Variants in RAB3C observed in about 807,000 individuals in gnomAD.
RAB3C encodes the protein ras-related protein Rab-3C.
A neutral mutation model predicts 26.4 loss-of-function variants in RAB3C; 17 were observed. The observed-to-expected ratio is 0.64, with a 90% CI of 0.44 to 0.97. RAB3C has a LOEUF of 0.97. RAB3C is among the 50% of genes least tolerant of loss of function. The pLI is 0.00. For missense variants in RAB3C, 242 were observed against 281.9 expected (o/e 0.86, Z 1.01); for synonymous variants, 91 against 95.9 (o/e 0.95, Z 0.30).
At chr5:58,675,516 G>T (rs1381405155) in intron 2 of RAB3C, among the ~76,000 whole-genome samples, 1 of 151,828 alleles carries the variant, frequency 6.6e-6, no homozygotes, top group Admixed American at 6.6e-5. Context: ...CACATGGAAG[G>T]CATTCAAGCA....
intron 1 of RAB3C, among the ~76,000 whole-genome samples, chr5:58,603,242 A>T (rs1395430519): frequency 1.3e-5 from 2 of 152,136 alleles, no homozygotes; most frequent in Admixed American, 6.5e-5. Flanking sequence ...CACAGCTCTT[A>T]AGATTCTTTC....
intron 2 of RAB3C, among the ~76,000 whole-genome samples, chr5:58,662,809 A>AG (rs1747931265): frequency 6.6e-6 from 1 of 150,412 alleles, no homozygotes; most frequent in East Asian, 1.9e-4. Context: ...TTGATTTCAA[A>AG]GGGGTATGAG....
At chr5:58,618,551 G>A (rs1006777240) in intron 2 of RAB3C, among the ~76,000 whole-genome samples, 9 of 152,154 alleles carry the variant, frequency 5.9e-5, no homozygotes, top group African/African-American at 1.9e-4. Context: ...TCCAGAAGAA[G>A]ATCAGAGGTA....
intron 2 of RAB3C, among the ~76,000 whole-genome samples, chr5:58,694,346 G>T (rs544856859): frequency 5.3e-5 from 8 of 152,256 alleles, no homozygotes; most frequent in African/African-American, 1.9e-4. Context: ...ATGGACATTT[G>T]GGTTGGTTTC....
In RAB3C at chr5:58,851,210, G is replaced by A. The variant is rs774725674; in HGVS notation, c.543G>A (p.Lys181=). 1 of 1,612,954 alleles carries A rather than the reference G, an allele frequency of 6.2e-7. No homozygotes were observed. Among genetic ancestry groups the A allele is most frequent in the Admixed American group, 1.7e-5 (1 of 59,684 alleles). ...ETSAKDNINV[K]QTFERLVDII... ...GTGCCAAGGACAACATTAATGTCAAGCAGACATTTGAGCGCCTTGTGGATA... is the reference window on the plus strand; with the variant it reads ...GTGCCAAGGACAACATTAATGTCAAACAGACATTTGAGCGCCTTGTGGATA... Residue 181 remains lysine (K), a synonymous_variant, in exon 5 of 5, where the codon AAG becomes AAA. Coordinates refer to ENST00000282878, the MANE Select transcript of RAB3C (RefSeq NM_138453.4).
chr5:58,765,004 G>C (rs1471028506), intron 3 of RAB3C, among the ~76,000 whole-genome samples: 1 of 152,050 alleles, frequency 6.6e-6, no homozygotes, highest in Non-Finnish European at 1.5e-5. Flanking sequence ...TTAAAAGACT[G>C]ATGTATTTGT....
intron 2 of RAB3C, among the ~76,000 whole-genome samples, chr5:58,717,910 C>A (rs1368508983): frequency 6.6e-6 from 1 of 152,096 alleles, no homozygotes; most frequent in Non-Finnish European, 1.5e-5. Flanking sequence ...GCTTTGTGTG[C>A]ATGAAAGTGC....
At chr5:58,692,829 TG>T (rs1748598513) in intron 2 of RAB3C, among the ~76,000 whole-genome samples, 1 of 152,082 alleles carries the variant, frequency 6.6e-6, no homozygotes, top group East Asian at 1.9e-4. Flanking sequence ...ATTTCTTGGC[TG>T]GGCACGGTGG....
chr5:58,731,887 C>T (rs1289907159), intron 3 of RAB3C, among the ~76,000 whole-genome samples: 1 of 152,088 alleles, frequency 6.6e-6, no homozygotes, highest in Non-Finnish European at 1.5e-5. Flanking sequence ...GGGTCTGTGG[C>T]ATTGGCCTGA....
chr5:58,596,219 C>G (rs956443070), intron 1 of RAB3C, among the ~76,000 whole-genome samples: 1 of 151,988 alleles, frequency 6.6e-6, no homozygotes, highest in Non-Finnish European at 1.5e-5. Flanking sequence ...AATCAAGACA[C>G]TTGGTATCTC....
chr5:58,700,874 A>G (rs1400440971), intron 2 of RAB3C, among the ~76,000 whole-genome samples: 2 of 152,204 alleles, frequency 1.3e-5, no homozygotes, highest in African/African-American at 4.8e-5. Context: ...GGCAAGAAAA[A>G]ATGCTATGGT....
intron 3 of RAB3C, among the ~76,000 whole-genome samples, chr5:58,748,559 G>T (rs545950395): frequency 2.0e-5 from 3 of 152,100 alleles, no homozygotes; most frequent in Admixed American, 6.6e-5. Flanking sequence ...TGGCTTGCTT[G>T]TAGCTCCAAC....
intron 2 of RAB3C, among the ~76,000 whole-genome samples, chr5:58,691,850 A>T (rs1469722896): frequency 6.6e-6 from 1 of 152,158 alleles, no homozygotes; most frequent in Non-Finnish European, 1.5e-5. Context: ...CCATGATTCG[A>T]TTAGTGTGTG....
upstream of RAB3C, among the ~76,000 whole-genome samples, chr5:58,582,634 T>G (rs1291131230): frequency 6.6e-6 from 1 of 152,090 alleles, no homozygotes; most frequent in Non-Finnish European, 1.5e-5. Context: ...TAAGGAAACG[T>G]AGAAACTTTC....
At chr5:58,808,717 T>C (rs1356636728) in intron 3 of RAB3C, among the ~76,000 whole-genome samples, 4 of 152,366 alleles carry the variant, frequency 2.6e-5, no homozygotes, top group African/African-American at 9.6e-5. Context: ...AGCTTTGTGC[T>C]GACTGAGTTA....
intron 3 of RAB3C, among the ~76,000 whole-genome samples, chr5:58,767,454 C>T (rs1214360632): frequency 6.6e-6 from 1 of 152,202 alleles, no homozygotes. Context: ...GTGTCAGATA[C>T]TCTGCTGTGT....
intron 4 of RAB3C, among the ~76,000 whole-genome samples, chr5:58,836,734 G>A (rs1743755963): frequency 6.6e-6 from 1 of 151,996 alleles, no homozygotes; most frequent in Non-Finnish European, 1.5e-5. Context: ...TTATAGTTGG[G>A]CATATTTCAT....
chr5:58,819,082 G>A (rs1743281782), intron 3 of RAB3C, among the ~76,000 whole-genome samples: 2 of 152,168 alleles, frequency 1.3e-5, no homozygotes. Context: ...GCTGGATTTG[G>A]GAAGAGGAGC....
intron 2 of RAB3C, among the ~76,000 whole-genome samples, chr5:58,621,948 GT>G: frequency 6.6e-6 from 1 of 152,250 alleles, no homozygotes; most frequent in Middle Eastern, 3.4e-3. Flanking sequence ...CTACTTGATG[GT>G]TTGCTTTCTT....
Sources: gnomAD v4.1 joint callset for allele counts (sites outside exome capture counted in the v4.1 genomes callset) on GRCh38, gnomAD v4.1.1 for gene constraint, MANE v1.5 for transcripts, NCBI Gene and HGNC (gene_info 2026-07-23, HGNC 2026-07-21) for gene names.